The following ZW10 variants were observed in gnomAD, a reference collection of about 807,000 sequenced individuals.
ZW10 encodes zw10 kinetochore protein.
ZW10 carries 53 observed loss-of-function variants against 87.8 expected under a neutral mutation model. The ratio of observed to expected loss-of-function variants is 0.60; its 90% CI spans 0.48 to 0.76. The LOEUF (loss-of-function observed/expected upper bound fraction) is 0.76, where lower values mean the gene tolerates loss of function less well. Among genes scored for constraint, ZW10 ranks in the 30% least tolerant of loss-of-function variants. ZW10 has a pLI of 0.00. For synonymous variants in ZW10, 312 were observed against 329.2 expected, an observed-to-expected ratio of 0.95 and a Z score of 0.57; for missense variants, 837 against 923.0, an observed-to-expected ratio of 0.91 and a Z score of 1.21.
intron 7 of ZW10, 22 bp from the exon 8 acceptor site, chr11:113,748,442 G>T: frequency 1.3e-6 from 2 of 1,567,146 alleles, no homozygotes; most frequent in Non-Finnish European, 1.7e-6. Context: ...AAAAAAAGAA[G>T]TTTTAAACAA....
At position 113,739,348 on chromosome 11, in the gene ZW10, T is replaced by C. The variant is rs201490208; in HGVS notation, c.1618A>G (p.Ile540Val). The change falls in exon 12 of 16, where the codon ATT (isoleucine) becomes GTT (valine). Residue 540 changes from isoleucine (I) to valine (V), a missense_variant. Physicochemically the swap from Ile to Val is conservative, Grantham distance 29. Coordinates refer to ENST00000200135, the MANE Select transcript of ZW10 (RefSeq NM_004724.4). ...ATGTACATACAGTTGTTGTGATGAA[T>C]AGCAGCCAACTGGGGAAGTTTTTGA... ...NLQKLPQLAA[I>V]HHNNCMYIAH... 245 of 1,604,538 alleles carry C rather than the reference T, an allele frequency of 1.5e-4. No homozygotes were observed. The highest frequency in any genetic ancestry group is 1.9e-4 in the South Asian group (17 of 89,230).
intron 15 of ZW10, among the ~76,000 whole-genome samples, chr11:113,736,045 G>A (rs1418485199): frequency 6.6e-6 from 1 of 151,994 alleles, no homozygotes; most frequent in Non-Finnish European, 1.5e-5. Flanking sequence ...TTTGAGACCA[G>A]CCTGGACAAC....
chr11:113,740,456 T>C (rs1035184340), intron 11 of ZW10, among the ~76,000 whole-genome samples: 3 of 152,036 alleles, frequency 2.0e-5, no homozygotes, highest in South Asian at 4.1e-4. Flanking sequence ...TGGTGGTGTG[T>C]GCCTGTGGTC....
intron 1 of ZW10, 46 bp downstream of exon 1, chr11:113,773,516 G>A: frequency 6.4e-7 from 1 of 1,550,654 alleles, no homozygotes; most frequent in South Asian, 1.1e-5. Flanking sequence ...TTCACACAAG[G>A]ACCCGGAGTC....
intron 11 of ZW10, among the ~76,000 whole-genome samples, 164 bp from the exon 12 acceptor site, chr11:113,739,546 G>A (rs1023479869): frequency 1.3e-5 from 2 of 152,186 alleles, no homozygotes; most frequent in African/African-American, 4.8e-5. Context: ...ACTCCCAGAG[G>A]GAGGCTGTTC....
At chr11:113,769,657 A>C in intron 1 of ZW10, 1 of 308,460 alleles carries the variant, frequency 3.2e-6, no homozygotes, top group South Asian at 3.0e-5. Flanking sequence ...GACTCCAGGC[A>C]TCATGTACTA....
At chr11:113,770,909 G>A (rs546167835) in intron 1 of ZW10, among the ~76,000 whole-genome samples, 5 of 150,320 alleles carry the variant, frequency 3.3e-5, no homozygotes, top group African/African-American at 4.9e-5. Flanking sequence ...AAGGTTGCAC[G>A]TTGCACACAG....
At chr11:113,754,514 T>C (rs1453148911) in intron 7 of ZW10, among the ~76,000 whole-genome samples, 1 of 152,166 alleles carries the variant, frequency 6.6e-6, no homozygotes, top group East Asian at 1.9e-4. Flanking sequence ...TTAAGGATTA[T>C]GCTAAATCTA....
chr11:113,773,602 GTCCCCAGA>G lies in ZW10; in HGVS notation c.57_64del (p.Leu20ProfsTer15). 6.2e-7 allele frequency: 1 copy of G among 1,613,928 alleles called. No individual in the cohort carries two copies. Among genetic ancestry groups the G allele is most frequent in the Non-Finnish European group, 8.5e-7 (1 of 1,179,978 alleles). Reference sequence around the variant, plus strand: ...CCGCCGGGTCAGGCGGCTGATCCGGGTCCCCAGATCCTCCTTTTCCAGCCTCCCGGAGT... The same window carrying G: ...CCGCCGGGTCAGGCGGCTGATCCGGGTCCTCCTTTTCCAGCCTCCCGGAGT... On this transcript the variant is annotated frameshift_variant, in exon 1 of 16. Transcript: ENST00000200135. LOFTEE classifies it high-confidence loss of function.
chr11:113,749,185 AAC>A (rs144414125), intron 7 of ZW10, among the ~76,000 whole-genome samples: 29 of 148,982 alleles, frequency 1.9e-4, no homozygotes, highest in Middle Eastern at 3.5e-3. Context: ...TTTAAACACA[AAC>A]ACACACACAC....
intron 7 of ZW10, among the ~76,000 whole-genome samples, chr11:113,753,833 G>C (rs576283063): frequency 6.6e-6 from 1 of 152,230 alleles, no homozygotes; most frequent in Non-Finnish European, 1.5e-5. Context: ...AGAGAGGTGA[G>C]GAAGCTGCAG....
At chr11:113,738,707 A>G (rs1269754616) in intron 12 of ZW10, among the ~76,000 whole-genome samples, 1 of 152,226 alleles carries the variant, frequency 6.6e-6, no homozygotes, top group Non-Finnish European at 1.5e-5. Context: ...GGGAAAAATC[A>G]AGAATTGAAA....
intron 5 of ZW10, 53 bp from the exon 6 acceptor site, chr11:113,758,759 AC>A: frequency 1.3e-6 from 2 of 1,562,372 alleles, no homozygotes; most frequent in Non-Finnish European, 1.8e-6. Flanking sequence ...AGATGTTCCC[AC>A]TTCTATTCCT....
Position 113,773,671 on chromosome 11 carries a change from A to C in ZW10, c.-5T>G. ...TTCTGTCACGAACGAGGCCATGGCC[A>C]AGACGGGAACCAACGCTGACTGGGT... is the stretch of plus-strand genomic sequence containing the variant. On this transcript the variant is annotated 5_prime_UTR_variant, in exon 1 of 16. Coordinates refer to ENST00000200135, the MANE Select transcript of ZW10 (RefSeq NM_004724.4). The C allele has an allele frequency of 1.2e-6, 2 of 1,612,850 alleles. No individual in the cohort carries two copies. The highest frequency in any genetic ancestry group is 1.7e-6 in the Non-Finnish European group (2 of 1,179,352).
At chr11:113,749,084 GT>G (rs1265261396) in intron 7 of ZW10, among the ~76,000 whole-genome samples, 1 of 152,118 alleles carries the variant, frequency 6.6e-6, no homozygotes, top group Non-Finnish European at 1.5e-5. Flanking sequence ...GCAGGGCACA[GT>G]GACAAAGCCA....
intron 10 of ZW10, 100 bp downstream of exon 10, chr11:113,743,702 T>A: frequency 1.0e-6 from 1 of 986,124 alleles, no homozygotes; most frequent in Non-Finnish European, 1.6e-6. Flanking sequence ...TTCTAGGATA[T>A]GAAAACCCAA....
In ZW10 at chr11:113,733,567, A is replaced by T; in HGVS notation, c.*127T>A. 7.7e-7 allele frequency: 1 copy of T among 1,297,746 alleles called. No homozygotes were observed. The highest frequency in any genetic ancestry group is 1.1e-6 in the Non-Finnish European group (1 of 920,686). The allele number at this position is 1,297,746 out of a possible 1,614,324, so 80.4% of individuals were successfully genotyped here. ...CCAGGAGGTAAGACGTTCTTCTGTA[A>T]AGTCAAACTTCCAAGATGTACTGGT... On this transcript the variant is annotated 3_prime_UTR_variant, in exon 16 of 16. Transcript: ENST00000200135.
At position 113,747,569 on chromosome 11, in the gene ZW10, T is replaced by C; in HGVS notation, c.1234A>G (p.Arg412Gly). 1 of 1,613,692 alleles carries C rather than the reference T, an allele frequency of 6.2e-7. No individual in the cohort carries two copies. The highest frequency in any genetic ancestry group is 8.5e-7 in the Non-Finnish European group (1 of 1,179,714). The change falls in exon 9 of 16, where the codon AGA (arginine) becomes GGA (glycine). Residue 412 changes from arginine to glycine, a missense_variant. Arg to Gly is a moderately radical substitution (Grantham distance 125). Transcript: ENST00000200135. ...TGAATTTCTGAGGTCATTAGATTTC[T>C]GGCTGCCACAATCACATCCTGGCAC... ...KKCQDVIVAARNLMTSEIHNT... is the reference protein window; with the variant it reads ...KKCQDVIVAAGNLMTSEIHNT...
At chr11:113,736,363 C>A (rs1953553376) in intron 15 of ZW10, among the ~76,000 whole-genome samples, 1 of 152,010 alleles carries the variant, frequency 6.6e-6, no homozygotes, top group Non-Finnish European at 1.5e-5. Flanking sequence ...GTTGCCAGAT[C>A]ACTTGTACAG....
Sources: allele counts gnomAD v4.1 joint callset (sites outside exome capture counted in the v4.1 genomes callset), GRCh38; gene constraint gnomAD v4.1.1; transcripts MANE v1.5; gene names NCBI Gene and HGNC (gene_info 2026-07-23, HGNC 2026-07-21).